Variants in HECTD2 observed in about 807,000 individuals in gnomAD.
HECTD2 encodes the protein HECT domain E3 ubiquitin protein ligase 2.
A neutral mutation model predicts 103.2 loss-of-function variants in HECTD2; 35 were observed. The observed-to-expected ratio is 0.34, with a 90% CI of 0.26 to 0.45. HECTD2 has a LOEUF of 0.45. Ranked by LOEUF, HECTD2 falls within the 20% of genes least tolerant of loss-of-function variation. HECTD2 has a pLI of 1.00. For synonymous variants in HECTD2, 281 were observed against 329.9 expected, an observed-to-expected ratio of 0.85 and a Z score of 1.61; for missense variants, 596 against 937.4, an observed-to-expected ratio of 0.64 and a Z score of 4.76.
At chr10:91,438,976 AG>A (rs1844264722) in intron 2 of HECTD2, among the ~76,000 whole-genome samples, 1 of 152,172 alleles carries the variant, frequency 6.6e-6, no homozygotes, top group South Asian at 2.1e-4. Flanking sequence ...TTTGGATATT[AG>A]CCCTTTGTCA....
intron 1 of HECTD2, 64 bp from the exon 2 acceptor site, chr10:91,425,217 T>C: frequency 8.1e-7 from 1 of 1,236,002 alleles, no homozygotes; most frequent in Non-Finnish European, 1.1e-6. Context: ...GTTTGTGATT[T>C]TTGCAATAAA....
intron 20 of HECTD2, among the ~76,000 whole-genome samples, chr10:91,511,023 C>G (rs563138823): frequency 6.6e-6 from 1 of 152,330 alleles, no homozygotes; most frequent in African/African-American, 2.4e-5. Context: ...TAAATGCACT[C>G]AGCACAGTGA....
intron 2 of HECTD2, among the ~76,000 whole-genome samples, chr10:91,444,201 A>G (rs1435016008): frequency 6.6e-6 from 1 of 152,194 alleles, no homozygotes; most frequent in East Asian, 1.9e-4. Context: ...AAATACAAAC[A>G]GATTCATTCA....
At chr10:91,426,994 TC>T (rs1384651962) in intron 2 of HECTD2, among the ~76,000 whole-genome samples, 20 of 93,396 alleles carry the variant, frequency 2.1e-4, no homozygotes, top group Non-Finnish European at 3.6e-4. Flanking sequence ...ATGCTATCCC[TC>T]CCCCCTCCCC....
At chr10:91,440,031 G>C (rs1428716919) in intron 2 of HECTD2, among the ~76,000 whole-genome samples, 2 of 152,094 alleles carry the variant, frequency 1.3e-5, no homozygotes, top group South Asian at 2.1e-4. Context: ...TCTGCAAACA[G>C]AGACAATTTG....
At chr10:91,475,040 GAGAAGACT>G (rs1845854979) in intron 5 of HECTD2, among the ~76,000 whole-genome samples, 1 of 152,166 alleles carries the variant, frequency 6.6e-6, no homozygotes, top group Non-Finnish European at 1.5e-5. Flanking sequence ...TGGGAGAAAG[GAGAAGACT>G]AGGTTGGTAA....
chr10:91,410,583 G>T lies in HECTD2; in HGVS notation c.138+7G>T, dbSNP rs941074433. On this transcript the variant is annotated splice_region_variant and intron_variant, in intron 1 of 20. Transcript: ENST00000298068. ...GGGCGCCGGCGCGACCGCGGTAGGT[G>T]GTGGGCCGGGGCCGTCTGGCGCCCC... 5 of 1,350,048 alleles carry T rather than the reference G, an allele frequency of 3.7e-6. No individual in the cohort carries two copies. In the African/African-American group the frequency reaches 7.6e-5, roughly 21 times the overall value. 83.6% of individuals were successfully genotyped at this position (1,350,048 alleles called of 1,614,324 possible). A position where few individuals can be genotyped will look rare whatever the true frequency, so the allele number is the denominator to read the frequency against.
In HECTD2 at chr10:91,496,318, T is replaced by C. The variant is rs562128205; in HGVS notation, c.1626T>C (p.Asn542=). The C allele has an allele frequency of 2.2e-4, 352 of 1,612,880 alleles. 2 individuals are homozygous for C. In the South Asian group the frequency reaches 3.7e-3, roughly 17 times the overall value. ...CTCCCATCATTCCTAGTGATCAAAA[T>C]ATACCAGTAGGCATCTGCAATGTTA... ...LSPPIIPSDQ[N]IPVGICNVTV... The change falls in exon 15 of 21, where the codon AAT becomes AAC. Residue 542 remains asparagine, a synonymous_variant. Transcript: ENST00000298068.
chr10:91,418,189 A>T (rs919162026), intron 1 of HECTD2, among the ~76,000 whole-genome samples: 1 of 152,222 alleles, frequency 6.6e-6, no homozygotes, highest in African/African-American at 2.4e-5. Flanking sequence ...TTTTTGTTAA[A>T]AAAAAAGAAC....
At chr10:91,443,529 A>G (rs1844455150) in intron 2 of HECTD2, among the ~76,000 whole-genome samples, 1 of 152,036 alleles carries the variant, frequency 6.6e-6, no homozygotes, top group African/African-American at 2.4e-5. Context: ...CCCTGCTGGG[A>G]GGTATCTCCC....
At chr10:91,501,409 T>A (rs1846894817) in intron 20 of HECTD2, 75 bp downstream of exon 20, 1 of 902,618 alleles carries the variant, frequency 1.1e-6, no homozygotes, top group South Asian at 2.0e-5. Flanking sequence ...ACATTTGGAA[T>A]CAGGATGTGT....
intron 15 of HECTD2, 137 bp downstream of exon 15, chr10:91,496,509 A>G (rs1846670701): frequency 1.6e-6 from 1 of 616,590 alleles, no homozygotes; most frequent in Non-Finnish European, 2.6e-6. Flanking sequence ...TCCTTTTTTC[A>G]TCTAGCTTTT....
chr10:91,432,914 G>A (rs961473595), intron 2 of HECTD2, among the ~76,000 whole-genome samples: 17 of 152,094 alleles, frequency 1.1e-4, no homozygotes, highest in African/African-American at 3.9e-4. Flanking sequence ...GGATCTGTGT[G>A]TGAGTCCTGT....
In HECTD2 at chr10:91,498,165, T is replaced by G. The variant is rs1187929761; in HGVS notation, c.1738T>G (p.Phe580Val). The change falls in exon 16 of 21, where the codon TTC (phenylalanine) becomes GTC (valine). Residue 580 changes from phenylalanine to valine, a missense_variant. Coordinates refer to ENST00000298068, the MANE Select transcript of HECTD2 (RefSeq NM_182765.6). ...ACATGAAGGCAATGTTGAAGAAGAT[T>G]TCTATTCAACATTTCAGGTACTATT... ...LSHEGNVEED[F>V]YSTFQVFQEE... The G allele has an allele frequency of 6.2e-7, 1 of 1,609,852 alleles. No homozygotes were observed.
intron 7 of HECTD2, among the ~76,000 whole-genome samples, 153 bp downstream of exon 7, chr10:91,481,292 A>T (rs1234619631): frequency 6.6e-6 from 1 of 151,802 alleles, no homozygotes; most frequent in Non-Finnish European, 1.5e-5. Context: ...GATTTTTTTT[A>T]AAGTAGGATT....
In HECTD2 at chr10:91,455,385, T is replaced by G. The variant is rs535300924; in HGVS notation, c.269-5042T>G. Reference sequence around the variant, plus strand: ...TAAATGTCTTCTTTTGAGAAGTGTCTGTTCATATCCTTCACCCACTTGTTG... The same window carrying G: ...TAAATGTCTTCTTTTGAGAAGTGTCGGTTCATATCCTTCACCCACTTGTTG... On this transcript the variant is annotated intron_variant, in intron 2 of 20. Transcript: ENST00000298068. Among the ~76,000 whole-genome samples the G allele has an allele frequency of 2.0e-5, 3 of 152,332 alleles. No homozygotes were observed. In the South Asian group the frequency reaches 6.2e-4, roughly 32 times the overall value.
intron 15 of HECTD2, among the ~76,000 whole-genome samples, chr10:91,496,899 A>AT (rs1447405838): frequency 1.3e-5 from 2 of 151,558 alleles, no homozygotes; most frequent in African/African-American, 4.8e-5. Context: ...TATTGGATCA[A>AT]TTTTTCTATT....
At chr10:91,500,713 TTAAG>T in intron 19 of HECTD2, 96 bp downstream of exon 19, 1 of 618,440 alleles carries the variant, frequency 1.6e-6, no homozygotes, top group South Asian at 2.4e-5. Flanking sequence ...TTTGAATCAA[TTAAG>T]TTAGTCAAAA....
At chr10:91,503,556 T>G (rs1392492796) in intron 20 of HECTD2, among the ~76,000 whole-genome samples, 1 of 152,110 alleles carries the variant, frequency 6.6e-6, no homozygotes, top group Non-Finnish European at 1.5e-5. Flanking sequence ...ACCCGAATAC[T>G]GCGCTTTTCC....
Sources: gnomAD v4.1 joint callset for allele counts (sites outside exome capture counted in the v4.1 genomes callset) on GRCh38, gnomAD v4.1.1 for gene constraint, MANE v1.5 for transcripts, NCBI Gene and HGNC (gene_info 2026-07-23, HGNC 2026-07-21) for gene names.